Variants in C8orf34 observed in about 807,000 individuals in gnomAD.
C8orf34 encodes uncharacterized protein C8orf34.
C8orf34 carries 65 observed loss-of-function variants against 68.3 expected under a neutral mutation model. That is an observed-to-expected ratio of 0.95 (90% confidence interval 0.78 to 1.17). The LOEUF (loss-of-function observed/expected upper bound fraction) is 1.17, where lower values mean the gene tolerates loss of function less well. C8orf34 is among the 50% of genes most tolerant of loss of function. The pLI, the probability that C8orf34 is intolerant of heterozygous loss-of-function variation, is 0.00. For synonymous variants in C8orf34, 244 were observed against 241.2 expected, an observed-to-expected ratio of 1.01 and a Z score of -0.11; for missense variants, 664 against 655.4, an observed-to-expected ratio of 1.01 and a Z score of -0.14.
chr8:68,634,467 T>C (rs1482472672), intron 7 of C8orf34, among the ~76,000 whole-genome samples: 3 of 152,196 alleles, frequency 2.0e-5, no homozygotes, highest in Non-Finnish European at 2.9e-5. Context: ...GACAGAATCT[T>C]ACTTAAATTA....
intron 7 of C8orf34, chr8:68,535,779 A>G: frequency 2.0e-5 from 19 of 960,736 alleles, no homozygotes; most frequent in Non-Finnish European, 2.4e-5. Flanking sequence ...TGCAAAAGTA[A>G]CTTAATATGG....
intron 8 of C8orf34, among the ~76,000 whole-genome samples, chr8:68,685,802 G>C (rs909854471): frequency 1.3e-5 from 2 of 151,816 alleles, no homozygotes; most frequent in African/African-American, 4.8e-5. Context: ...ACTGAGCCTG[G>C]GGAGGTTGAG....
chr8:68,471,524 G>T (rs1393306585), intron 4 of C8orf34, among the ~76,000 whole-genome samples: 1 of 152,080 alleles, frequency 6.6e-6, no homozygotes, highest in Non-Finnish European at 1.5e-5. Flanking sequence ...CTGGAACCAG[G>T]ATGTAATTCA....
rs531016737 is a variant in C8orf34 at position 68,419,754 on chromosome 8, C to T, written c.328-19745C>T. Reference sequence around the variant, plus strand: ...CAAAAAACCAAACACCGCATATTCTCGCTCACAAGTGGGAATTGAACAGTG... The same window carrying T: ...CAAAAAACCAAACACCGCATATTCTTGCTCACAAGTGGGAATTGAACAGTG... On this transcript the variant is annotated intron_variant, in intron 1 of 13. Transcript: ENST00000518698. Among the ~76,000 whole-genome samples the T allele has an allele frequency of 5.9e-4, 86 of 146,374 alleles. 1 individual carries two copies. The highest frequency in any genetic ancestry group is 1.2e-3 in the East Asian group (6 of 4,860).
intron 4 of C8orf34, among the ~76,000 whole-genome samples, chr8:68,469,411 G>T (rs1812284740): frequency 6.6e-6 from 1 of 151,914 alleles, no homozygotes. Context: ...CATCTCCAAA[G>T]CAGAAAGACA....
rs563793681 is a variant in C8orf34 at position 68,424,210 on chromosome 8, A to G, written c.328-15289A>G. Among the ~76,000 whole-genome samples, 3 of 152,298 alleles carry G rather than the reference A, an allele frequency of 2.0e-5. No individual in the cohort carries two copies. The East Asian group carries it at 5.8e-4, about 29-fold the overall frequency. The stretch of plus-strand genomic sequence containing the variant: ...CAGCAGATATTGAGTGGGAGTTCCA[A>G]CAGTACTAGAAAAGTGAAGCAGACC... On this transcript the variant is annotated intron_variant, in intron 1 of 13. Transcript: ENST00000518698.
intron 8 of C8orf34, among the ~76,000 whole-genome samples, chr8:68,670,446 A>G (rs1029841399): frequency 6.6e-6 from 1 of 152,208 alleles, no homozygotes; most frequent in Non-Finnish European, 1.5e-5. Context: ...CCATACACAG[A>G]TAACCTTTCC....
chr8:68,532,846 AGAT>A, intron 6 of C8orf34, 134 bp from the exon 7 acceptor site: 1 of 608,952 alleles, frequency 1.6e-6, no homozygotes, highest in Admixed American at 3.5e-5. Flanking sequence ...TGTCCAAGAA[AGAT>A]GATATTTCCA....
intron 12 of C8orf34, among the ~76,000 whole-genome samples, chr8:68,808,563 A>G (rs1374073603): frequency 6.6e-6 from 1 of 150,842 alleles, no homozygotes; most frequent in Non-Finnish European, 1.5e-5. Context: ...TAATATATAT[A>G]TATATAAAGA....
chr8:68,715,305 C>A (rs1316334407), intron 9 of C8orf34, among the ~76,000 whole-genome samples: 1 of 152,026 alleles, frequency 6.6e-6, no homozygotes, highest in Non-Finnish European at 1.5e-5. Flanking sequence ...TTCTGCACAG[C>A]CAAAGAAATA....
chr8:68,792,908 T>C (rs1239001140), intron 12 of C8orf34, among the ~76,000 whole-genome samples: 1 of 151,942 alleles, frequency 6.6e-6, no homozygotes, highest in East Asian at 1.9e-4. Flanking sequence ...TATGTATGCA[T>C]ATATAAAAAT....
intron 8 of C8orf34, among the ~76,000 whole-genome samples, chr8:68,676,475 G>A (rs1490920172): frequency 2.6e-5 from 4 of 152,112 alleles, no homozygotes; most frequent in Admixed American, 2.0e-4. Flanking sequence ...AGATCATTCA[G>A]ACAGAAAATC....
At chr8:68,760,182 C>T (rs2129527970) in intron 10 of C8orf34, among the ~76,000 whole-genome samples, 1 of 152,228 alleles carries the variant, frequency 6.6e-6, no homozygotes, top group East Asian at 1.9e-4. Context: ...AGGCCACCCA[C>T]AGGTCAGCAC....
intron 4 of C8orf34, among the ~76,000 whole-genome samples, chr8:68,477,883 G>A (rs1285539701): frequency 6.6e-6 from 1 of 152,140 alleles, no homozygotes; most frequent in East Asian, 1.9e-4. Context: ...CACCACTGGA[G>A]CTGAAACGGC....
At chr8:68,522,267 A>T (rs536242441) in intron 6 of C8orf34, among the ~76,000 whole-genome samples, 1 of 152,154 alleles carries the variant, frequency 6.6e-6, no homozygotes, top group African/African-American at 2.4e-5. Context: ...ACCTACTATA[A>T]TATTGGACAG....
At chr8:68,399,830 T>C (rs1586056792) in intron 1 of C8orf34, among the ~76,000 whole-genome samples, 2 of 152,156 alleles carry the variant, frequency 1.3e-5, no homozygotes, top group East Asian at 3.9e-4. Context: ...TGTTATTTAT[T>C]TTTTTACTTC....
At chr8:68,368,012 A>G (rs1018529051) in intron 1 of C8orf34, among the ~76,000 whole-genome samples, 1 of 150,964 alleles carries the variant, frequency 6.6e-6, no homozygotes, top group Non-Finnish European at 1.5e-5. Context: ...TGAAGGTGCT[A>G]TAGAATCTAT....
intron 5 of C8orf34, among the ~76,000 whole-genome samples, chr8:68,504,094 T>C (rs1813898130): frequency 6.6e-6 from 1 of 152,178 alleles, no homozygotes; most frequent in South Asian, 2.1e-4. Context: ...CCCCAGTCCC[T>C]CCAACTCCTC....
chr8:68,569,359 A>C (rs1816695399), intron 7 of C8orf34, among the ~76,000 whole-genome samples: 1 of 152,322 alleles, frequency 6.6e-6, no homozygotes, highest in Non-Finnish European at 1.5e-5. Flanking sequence ...AGAGCAGGAA[A>C]TGAAGAAGCA....
Sources: gnomAD v4.1 joint callset for allele counts (sites outside exome capture counted in the v4.1 genomes callset) on GRCh38, gnomAD v4.1.1 for gene constraint, MANE v1.5 for transcripts, NCBI Gene and HGNC (gene_info 2026-07-23, HGNC 2026-07-21) for gene names.